MYO1E: variants seen among roughly 807,000 people sequenced by gnomAD.
The protein encoded by MYO1E is myosin IE, also known as unconventional myosin-Ie.
MYO1E carries 68 observed loss-of-function variants against 151.1 expected under a neutral mutation model. The observed-to-expected ratio is 0.45, with a 90% confidence interval of 0.37 to 0.55. MYO1E has a LOEUF of 0.55. MYO1E is among the 20% of genes least tolerant of loss of function. MYO1E has a pLI of 0.00. For synonymous variants in MYO1E, 601 were observed against 501.7 expected, an observed-to-expected ratio of 1.20 and a Z score of -2.64; for missense variants, 1,363 against 1,389.3, an observed-to-expected ratio of 0.98 and a Z score of 0.30.
intron 13 of MYO1E, among the ~76,000 whole-genome samples, chr15:59,209,445 A>AGG (rs538889288): frequency 0.012 from 1,657 of 134,356 alleles, 25 homozygotes; most frequent in African/African-American, 0.043. Context: ...TAGGAGGCCG[A>AGG]GGGGGGTGGA....
At chr15:59,236,367 T>TACAC (rs1312557127) in intron 5 of MYO1E, among the ~76,000 whole-genome samples, 5 of 23,582 alleles carry the variant, frequency 2.1e-4, no homozygotes, top group African/African-American at 4.2e-4. Context: ...AAAAAAAATA[T>TACAC]ATACACACAC....
At chr15:59,343,858 TCTTAA>T (rs1397239528) in intron 1 of MYO1E, among the ~76,000 whole-genome samples, 1 of 152,150 alleles carries the variant, frequency 6.6e-6, no homozygotes, top group Non-Finnish European at 1.5e-5. Flanking sequence ...TGCCTGATTC[TCTTAA>T]CTTACTTCAA....
chr15:59,174,922 G>T (rs576275957), intron 19 of MYO1E, among the ~76,000 whole-genome samples: 1 of 152,054 alleles, frequency 6.6e-6, no homozygotes, highest in South Asian at 2.1e-4. Context: ...TTGAGAGTCC[G>T]GCCATTTTAC....
At chr15:59,170,886 T>A (rs2079589171) in intron 22 of MYO1E, among the ~76,000 whole-genome samples, 1 of 152,170 alleles carries the variant, frequency 6.6e-6, no homozygotes. Flanking sequence ...ACCCCTGCTT[T>A]TTCCTGAGCG....
chr15:59,166,557 T>G (rs1284084803), intron 22 of MYO1E, among the ~76,000 whole-genome samples: 2 of 152,194 alleles, frequency 1.3e-5, no homozygotes, highest in Non-Finnish European at 2.9e-5. Flanking sequence ...GTTTTGTTTT[T>G]TTTTTTTAAA....
chr15:59,214,752 C>A (rs1163998264), intron 10 of MYO1E, 32 bp from the exon 11 acceptor site: 1 of 1,543,996 alleles, frequency 6.5e-7, no homozygotes, highest in African/African-American at 1.4e-5. Flanking sequence ...GCAGTGAACT[C>A]CTTTCCATTC....
intron 4 of MYO1E, 37 bp from the exon 5 acceptor site, chr15:59,236,709 G>A: frequency 6.5e-7 from 1 of 1,534,724 alleles, no homozygotes; most frequent in Non-Finnish European, 9.0e-7. Flanking sequence ...CCTGAGAAGT[G>A]GATTGCGACC....
At chr15:59,256,240 A>C (rs548394471) in intron 4 of MYO1E, 44 bp downstream of exon 4, 1 of 1,430,586 alleles carries the variant, frequency 7.0e-7, no homozygotes, top group Admixed American at 1.7e-5. Flanking sequence ...ACCACAGCAT[A>C]GTCTCATATC....
intron 1 of MYO1E, among the ~76,000 whole-genome samples, chr15:59,329,784 T>C (rs1212602324): frequency 6.6e-6 from 1 of 152,248 alleles, no homozygotes; most frequent in East Asian, 1.9e-4. Context: ...CTTTGCTGAT[T>C]ACAGCGTGAG....
At chr15:59,244,103 C>T (rs997913569) in intron 4 of MYO1E, among the ~76,000 whole-genome samples, 2 of 152,236 alleles carry the variant, frequency 1.3e-5, no homozygotes, top group Non-Finnish European at 2.9e-5. Flanking sequence ...AAGACAAATT[C>T]ATTCCTTAAC....
intron 4 of MYO1E, among the ~76,000 whole-genome samples, chr15:59,238,281 G>T (rs1373921576): frequency 6.6e-6 from 1 of 152,048 alleles, no homozygotes; most frequent in East Asian, 1.9e-4. Context: ...GGAATTACAC[G>T]GTTTGGCAAC....
chr15:59,268,720 A>ATTTTTTTTTTTTTTTTTTGTTTTTTTTT lies in MYO1E; in HGVS notation c.147+3585_147+3586insAAAAAAAAACAAAAAAAAAAAAAAAAAA, dbSNP rs2080271914. Among the ~76,000 whole-genome samples the ATTTTTTTTTTTTTTTTTTGTTTTTTTTT allele has an allele frequency of 4.5e-5, 2 of 44,906 alleles. 1 individual carries two copies. The highest frequency in any genetic ancestry group is 9.8e-5 in the Non-Finnish European group (2 of 20,428). 29.5% of individuals were successfully genotyped at this position (44,906 alleles called of 152,430 possible). Reference sequence around the variant, plus strand: ...GTGATGGGTTCTGGGTGACTTTGGTATTTTTTTTTTTTTTTTTTTTTGCTT... The same window carrying ATTTTTTTTTTTTTTTTTTGTTTTTTTTT: ...GTGATGGGTTCTGGGTGACTTTGGTATTTTTTTTTTTTTTTTTTGTTTTTTTTTTTTTTTTTTTTTTTTTTTTTTGCTT... On this transcript the variant is annotated intron_variant, in intron 2 of 27. Transcript: ENST00000288235.
At chr15:59,186,013 ATC>A (rs1181582026) in intron 18 of MYO1E, among the ~76,000 whole-genome samples, 1 of 152,228 alleles carries the variant, frequency 6.6e-6, no homozygotes, top group African/African-American at 2.4e-5. Flanking sequence ...CATAACTAAC[ATC>A]TCAGTTGTGT....
intron 19 of MYO1E, among the ~76,000 whole-genome samples, chr15:59,174,691 G>A (rs1289185360): frequency 6.6e-6 from 1 of 152,102 alleles, no homozygotes; most frequent in Non-Finnish European, 1.5e-5. Flanking sequence ...GCAGGAGCTG[G>A]GCTTGTGCTG....
chr15:59,140,773 G>A (rs1472319061), intron 26 of MYO1E, among the ~76,000 whole-genome samples: 2 of 152,182 alleles, frequency 1.3e-5, no homozygotes, highest in Non-Finnish European at 2.9e-5. Flanking sequence ...CCAGCAGGGT[G>A]GTGGACTGTC....
At chr15:59,359,432 T>C (rs1233275614) in intron 1 of MYO1E, among the ~76,000 whole-genome samples, 1 of 151,084 alleles carries the variant, frequency 6.6e-6, no homozygotes, top group Non-Finnish European at 1.5e-5. Context: ...GAGGCTACAG[T>C]GAGACAAGAT....
At chr15:59,338,347 C>A (rs760804369) in intron 1 of MYO1E, among the ~76,000 whole-genome samples, 27 of 145,650 alleles carry the variant, frequency 1.9e-4, no homozygotes, top group Non-Finnish European at 1.8e-4. Context: ...ATAGTACGTT[C>A]CTGACTCCCA....
At chr15:59,276,953 G>T (rs972456457) in intron 1 of MYO1E, among the ~76,000 whole-genome samples, 2 of 152,220 alleles carry the variant, frequency 1.3e-5, no homozygotes, top group Non-Finnish European at 2.9e-5. Context: ...CACTTCATTA[G>T]TGTCCCAGGG....
intron 1 of MYO1E, among the ~76,000 whole-genome samples, chr15:59,368,721 G>A (rs542214364): frequency 1.3e-5 from 2 of 152,188 alleles, no homozygotes; most frequent in Non-Finnish European, 2.9e-5. Context: ...ACTCCAGCCC[G>A]GGCGACAGTG....
Sources: gnomAD v4.1 joint callset for allele counts (sites outside exome capture counted in the v4.1 genomes callset) on GRCh38, gnomAD v4.1.1 for gene constraint, MANE v1.5 for transcripts, NCBI Gene and HGNC (gene_info 2026-07-23, HGNC 2026-07-21) for gene names.